SMAD2: variants seen among roughly 807,000 people sequenced by gnomAD.
SMAD2 encodes SMAD family member 2, also known as MAD homolog 2.
In SMAD2, 8 loss-of-function variants were observed where a neutral mutation model predicts 64.4. The ratio of observed to expected loss-of-function variants is 0.12; its 90% CI spans 0.07 to 0.22. The LOEUF is 0.22. SMAD2 is among the 10% of genes least tolerant of loss of function. The probability of loss-of-function intolerance (pLI) is 1.00; values close to 1 mark genes in which losing one functional copy is unlikely to be tolerated. For synonymous variants in SMAD2, 203 were observed against 195.8 expected (o/e 1.04, Z -0.31); for missense variants, 289 against 561.2 (o/e 0.51, Z 4.90).
chr18:47,846,678 A>G (rs1914523223), intron 8 of SMAD2, among the ~76,000 whole-genome samples: 2 of 152,184 alleles, frequency 1.3e-5, no homozygotes, highest in African/African-American at 4.8e-5. Context: ...TAGGAGCTGA[A>G]TTCTGCCACA....
At chr18:47,860,471 C>T (rs886863404) in intron 6 of SMAD2, among the ~76,000 whole-genome samples, 12 of 151,700 alleles carry the variant, frequency 7.9e-5, no homozygotes, top group South Asian at 4.2e-4. Context: ...TTTGTAGAGA[C>T]GGGGTCTTGC....
intron 6 of SMAD2, among the ~76,000 whole-genome samples, chr18:47,856,636 A>C (rs1470221056): frequency 6.6e-6 from 1 of 152,084 alleles, no homozygotes; most frequent in African/African-American, 2.4e-5. Context: ...ATGTCACCTA[A>C]AACCAGCCAG....
Position 47,813,771 on chromosome 18 carries a change from C to T in SMAD2, c.*28056G>A, listed in dbSNP as rs1912282161. On this transcript the variant is annotated 3_prime_UTR_variant, in exon 11 of 11. Transcript: ENST00000262160. ...CTTGCTATGTTGATCAGGCTGGAAA[C>T]CTGGGTCTTGAATAATGGATACATT... The T allele has an allele frequency of 1.6e-5, 2 of 128,514 alleles. No homozygotes were observed. The highest frequency in any genetic ancestry group is 2.0e-4 in the Admixed American group (2 of 10,238). 8.0% of individuals were successfully genotyped at this position (128,514 alleles called of 1,614,324 possible).
intron 2 of SMAD2, among the ~76,000 whole-genome samples, chr18:47,888,480 G>A (rs1267584143): frequency 6.6e-6 from 1 of 152,214 alleles, no homozygotes; most frequent in Non-Finnish European, 1.5e-5. Flanking sequence ...TACTTTCAAA[G>A]TCACCTCATA....
Position 47,840,093 on chromosome 18 carries a change from TA to T in SMAD2, c.*1733del, listed in dbSNP as rs886850106. ...GAACAATAAATATTTGTTGAATGAA[TA>T]AAAAATTACTATACCAAATTTACAT... On this transcript the variant is annotated 3_prime_UTR_variant, in exon 11 of 11. Transcript: ENST00000262160. 1 of 232,998 alleles carries T rather than the reference TA, an allele frequency of 4.3e-6. No individual in the cohort carries two copies. The highest frequency in any genetic ancestry group is 5.6e-5 in the Admixed American group (1 of 17,762). 14.4% of individuals were successfully genotyped at this position (232,998 alleles called of 1,614,324 possible).
chr18:47,839,952 T>C lies in SMAD2; in HGVS notation c.*1875A>G, dbSNP rs1913781894. On this transcript the variant is annotated 3_prime_UTR_variant, in exon 11 of 11. Coordinates refer to ENST00000262160, the MANE Select transcript of SMAD2 (RefSeq NM_005901.6). ...TACAGTACCCTGTTTATCTCCTTCA[T>C]AGACAAGTAAGATAATTAAGGGTTA... The C allele has an allele frequency of 8.6e-6, 2 of 233,042 alleles. No individual in the cohort carries two copies. The highest frequency in any genetic ancestry group is 1.7e-5 in the Non-Finnish European group (2 of 118,002). 14.4% of individuals were successfully genotyped at this position (233,042 alleles called of 1,614,324 possible).
chr18:47,865,083 G>T lies in SMAD2; in HGVS notation c.706C>A (p.Gln236Lys). The T allele has an allele frequency of 6.2e-7, 1 of 1,609,006 alleles. No individual in the cohort carries two copies. Among genetic ancestry groups the T allele is most frequent in the Non-Finnish European group, 8.5e-7 (1 of 1,175,832 alleles). The change falls in exon 6 of 11, where the codon CAG (glutamine) becomes AAG (lysine). Residue 236 changes from glutamine to lysine, a missense_variant. By Grantham distance (53) the Gln-to-Lys change is moderately conservative. This residue lies in a region of SMAD2 where 119 missense variants were observed against 156.7 expected (regional missense o/e 0.76). Transcript: ENST00000262160. ...CCTGTGTCCATACTTTGATTCAACT[G>T]TTGGTCACTTGTTTCTCCATCTTCA... ...ISEDGETSDQ[Q>K]LNQSMDTGSP...
Position 47,818,610 on chromosome 18 carries a change from A to G in SMAD2, c.*23217T>C, listed in dbSNP as rs563045374. On this transcript the variant is annotated 3_prime_UTR_variant, in exon 11 of 11. Coordinates refer to ENST00000262160, the MANE Select transcript of SMAD2 (RefSeq NM_005901.6). ...CTAGTCAAAAAAACCAGAATGGCAA[A>G]CAAAAGATTTGTTACTAAAAATTCA... is the stretch of plus-strand genomic sequence containing the variant. 1 of 152,368 alleles carries G rather than the reference A, an allele frequency of 6.6e-6. No individual in the cohort carries two copies. The highest frequency in any genetic ancestry group is 2.1e-4 in the South Asian group (1 of 4,830). The allele number at this position is 152,368 out of a possible 1,614,324, so 9.4% of individuals were successfully genotyped here.
chr18:47,883,418 G>C (rs916831428), intron 2 of SMAD2, among the ~76,000 whole-genome samples: 2 of 152,150 alleles, frequency 1.3e-5, no homozygotes, highest in African/African-American at 4.8e-5. Context: ...GTCTTTCCTG[G>C]TGAAGTTACC....
At chr18:47,921,572 T>C (rs2034561912) in intron 1 of SMAD2, among the ~76,000 whole-genome samples, 1 of 152,230 alleles carries the variant, frequency 6.6e-6, no homozygotes, top group Non-Finnish European at 1.5e-5. Flanking sequence ...TTCCAGTTCC[T>C]CCATAGAGAG....
intron 5 of SMAD2, 38 bp downstream of exon 5, chr18:47,868,285 T>C (rs185582147): frequency 3.3e-5 from 51 of 1,569,154 alleles, no homozygotes; most frequent in Admixed American, 3.2e-4. Context: ...AAAATTTGTA[T>C]CTATCCAAGT....
intron 1 of SMAD2, among the ~76,000 whole-genome samples, chr18:47,897,346 T>A (rs1043836924): frequency 6.6e-5 from 10 of 151,274 alleles, no homozygotes; most frequent in Non-Finnish European, 1.3e-4. Flanking sequence ...AGAAAAGCTG[T>A]AGTCCGGTTT....
chr18:47,822,620 T>C lies in SMAD2; in HGVS notation c.*19207A>G, dbSNP rs1023193432. 8 of 152,252 alleles carry C rather than the reference T, an allele frequency of 5.3e-5. No individual in the cohort carries two copies. The highest frequency in any genetic ancestry group is 1.9e-4 in the African/African-American group (8 of 41,472). The allele number at this position is 152,252 out of a possible 1,614,324, so 9.4% of individuals were successfully genotyped here. Reference sequence around the variant, plus strand: ...TTTGGAATACTTTTGTGAACAAAGGTAGAAATATTTGCTTTTCCTTTCTTC... The same window carrying C: ...TTTGGAATACTTTTGTGAACAAAGGCAGAAATATTTGCTTTTCCTTTCTTC... On this transcript the variant is annotated 3_prime_UTR_variant, in exon 11 of 11. Coordinates refer to ENST00000262160, the MANE Select transcript of SMAD2 (RefSeq NM_005901.6).
chr18:47,849,395 T>G (rs1323997407), intron 7 of SMAD2, among the ~76,000 whole-genome samples: 1 of 152,026 alleles, frequency 6.6e-6, no homozygotes, highest in African/African-American at 2.4e-5. Flanking sequence ...CACAATTTTG[T>G]AGAATAAATT....
At chr18:47,849,454 G>A (rs1232264216) in intron 7 of SMAD2, among the ~76,000 whole-genome samples, 2 of 147,094 alleles carry the variant, frequency 1.4e-5, no homozygotes. Context: ...GTAAAATGAG[G>A]GCAAAAATAA....
chr18:47,849,994 A>C (rs911701736), intron 7 of SMAD2, among the ~76,000 whole-genome samples: 2 of 151,224 alleles, frequency 1.3e-5, no homozygotes, highest in Non-Finnish European at 2.9e-5. Context: ...GCGACAGAGC[A>C]AGACTCTGTC....
intron 1 of SMAD2, among the ~76,000 whole-genome samples, chr18:47,922,227 AAAGTTAATTATTTCAACAAAAATAC>A (rs2034588372): frequency 6.6e-6 from 1 of 152,244 alleles, no homozygotes; most frequent in Non-Finnish European, 1.5e-5. Flanking sequence ...AAAGAAAACC[AAAGTTAATTATTTCAACAAAAATAC>A]TTTAAATATG....
At chr18:47,889,204 C>T (rs755395622) in intron 2 of SMAD2, among the ~76,000 whole-genome samples, 27 of 152,174 alleles carry the variant, frequency 1.8e-4, no homozygotes, top group Non-Finnish European at 3.5e-4. Context: ...ATATCCTAAA[C>T]TGCTGTTTTA....
chr18:47,843,802 T>G (rs533106363), intron 10 of SMAD2, among the ~76,000 whole-genome samples: 3 of 152,140 alleles, frequency 2.0e-5, no homozygotes, highest in Non-Finnish European at 4.4e-5. Flanking sequence ...TATCTGTGAG[T>G]TAAAGAACAG....
Sources: allele counts gnomAD v4.1 joint callset (sites outside exome capture counted in the v4.1 genomes callset), GRCh38; gene constraint gnomAD v4.1.1; regional missense constraint gnomAD v4.1.1; transcripts MANE v1.5; gene names NCBI Gene and HGNC (gene_info 2026-07-23, HGNC 2026-07-21).